Variants in CEP44 observed in about 807,000 individuals in gnomAD.
CEP44 encodes centrosomal protein of 44 kDa.
Under a neutral mutation model 46.7 loss-of-function variants are expected in CEP44, and 45 were observed. The observed-to-expected ratio is 0.96, with a 90% CI of 0.76 to 1.24. The LOEUF is 1.24. CEP44 is among the 50% of genes most tolerant of loss of function. The pLI is 0.00. For missense variants in CEP44, 475 were observed against 459.7 expected, an observed-to-expected ratio of 1.03 and a Z score of -0.30; for synonymous variants, 142 against 146.0, an observed-to-expected ratio of 0.97 and a Z score of 0.20.
chr4:174,314,029 C>G lies in CEP44; in HGVS notation c.962-2137C>G, dbSNP rs1475759941. Among the ~76,000 whole-genome samples the G allele has an allele frequency of 6.6e-6, 1 of 152,034 alleles. No homozygotes were observed. The highest frequency in any genetic ancestry group is 1.5e-5 in the Non-Finnish European group (1 of 68,002). On this transcript the variant is annotated intron_variant, in intron 9 of 11. Transcript: ENST00000503780. The surrounding 1 kb of genome is among the most constrained non-coding windows in gnomAD (Gnocchi z 4.1). Reference sequence around the variant, plus strand: ...TACAAATTATTAAATGGTAAAGGACCCTACTGATTCCCTTCGTGGAATAAG... The same window carrying G: ...TACAAATTATTAAATGGTAAAGGACGCTACTGATTCCCTTCGTGGAATAAG...
Position 174,308,708 on chromosome 4 carries a change from G to A in CEP44, c.527G>A (p.Arg176His), listed in dbSNP as rs147478051. 1.5e-3 allele frequency: 2,479 copies of A among 1,604,926 alleles called. 3 individuals are homozygous for A. Among genetic ancestry groups the A allele is most frequent in the Non-Finnish European group, 2.0e-3 (2,328 of 1,173,822 alleles). ...TSGKKKAVVI[R>H]HLYNEDNVDI... ...ATGCAGAAGAAAGCTGTGGTGATTC[G>A]TCACTTGTATAATGAAGATAATGTT... The change falls in exon 7 of 12, where the codon CGT becomes CAT. Residue 176 changes from arginine to histidine, a missense_variant. Coordinates refer to ENST00000503780, the MANE Select transcript of CEP44 (RefSeq NM_001040157.3).
At position 174,309,710 on chromosome 4, in the gene CEP44, A is replaced by T; in HGVS notation, c.679-140A>T. ...TGGTTTAAGTGGCCAAGTAGTCTCCATCCAGAGATAGCTCTCTTAACTCTC... is the reference window on the plus strand; with the variant it reads ...TGGTTTAAGTGGCCAAGTAGTCTCCTTCCAGAGATAGCTCTCTTAACTCTC... On this transcript the variant is annotated intron_variant, in intron 7 of 11. Coordinates refer to ENST00000503780, the MANE Select transcript of CEP44 (RefSeq NM_001040157.3). This position sits in a 1 kb window ranked among gnomAD's most constrained non-coding sequence, Gnocchi z 5.3. The T allele has an allele frequency of 1.7e-6, 1 of 595,468 alleles. No homozygotes were observed. The highest frequency in any genetic ancestry group is 1.9e-5 in the African/African-American group (1 of 53,868). The allele number at this position is 595,468 out of a possible 1,614,324, so 36.9% of individuals were successfully genotyped here.
chr4:174,286,227 G>A lies in CEP44; in HGVS notation c.-148+2284G>A, dbSNP rs1737569744. On this transcript the variant is annotated intron_variant, in intron 1 of 11. Coordinates refer to ENST00000503780, the MANE Select transcript of CEP44 (RefSeq NM_001040157.3). The surrounding 1 kb of genome is among the most constrained non-coding windows in gnomAD (Gnocchi z 5.2). ...AAATGGCTGTGGAAATGAGTGGCGA[G>A]GGGCTTAAAGTAGGAAGCTTACTAA... Among the ~76,000 whole-genome samples, 1 of 152,150 alleles carries A rather than the reference G, an allele frequency of 6.6e-6. No individual in the cohort carries two copies. Among genetic ancestry groups the A allele is most frequent in the African/African-American group, 2.4e-5 (1 of 41,430 alleles).
Position 174,310,804 on chromosome 4 carries a change from A to C in CEP44, c.907A>C (p.Asn303His). Residue 303 changes from asparagine to histidine, a missense_variant, in exon 9 of 12, where the codon AAT becomes CAT. Asn to His is a moderately conservative substitution (Grantham distance 68). Coordinates refer to ENST00000503780, the MANE Select transcript of CEP44 (RefSeq NM_001040157.3). The surrounding 1 kb of genome is among the most constrained non-coding windows in gnomAD (Gnocchi z 4.2). ...SKKNDEFIEFNEVSEDYASCS... is the reference protein window; with the variant it reads ...SKKNDEFIEFHEVSEDYASCS... The stretch of plus-strand genomic sequence containing the variant: ...CCAGAATGATGAATTTATAGAGTTT[A>C]ATGAAGTTAGTGAAGACTACGCTTC... 1 of 1,498,818 alleles carries C rather than the reference A, an allele frequency of 6.7e-7. No homozygotes were observed. The highest frequency in any genetic ancestry group is 2.3e-5 in the East Asian group (1 of 43,470). The allele number at this position is 1,498,818 out of a possible 1,614,324, so 92.8% of individuals were successfully genotyped here.
intron 6 of CEP44, among the ~76,000 whole-genome samples, chr4:174,305,366 A>T (rs1188758631): frequency 6.6e-6 from 1 of 152,156 alleles, no homozygotes; most frequent in Non-Finnish European, 1.5e-5. Flanking sequence ...AGGCAGGAGA[A>T]TCGCTTGAAC....
At chr4:174,289,819 A>AGGTTGTTT (rs1737976008) in intron 1 of CEP44, among the ~76,000 whole-genome samples, 1 of 150,066 alleles carries the variant, frequency 6.7e-6, no homozygotes, top group Non-Finnish European at 1.5e-5. Context: ...GTGTAAAGTT[A>AGGTTGTTT]GGTTGTTTTA....
intron 2 of CEP44, among the ~76,000 whole-genome samples, chr4:174,298,283 C>T (rs1396664853): frequency 7.0e-6 from 1 of 142,714 alleles, no homozygotes; most frequent in Non-Finnish European, 1.5e-5. Flanking sequence ...TCACGCCATT[C>T]TCCTGCCTCA....
intron 8 of CEP44, among the ~76,000 whole-genome samples, chr4:174,327,590 T>C (rs1261287165): frequency 6.6e-6 from 1 of 152,078 alleles, no homozygotes; most frequent in Non-Finnish European, 1.5e-5. Flanking sequence ...TTTATAGCAA[T>C]TGTTGTAGGG....
chr4:174,310,700 T>C lies in CEP44; in HGVS notation c.886-83T>C, dbSNP rs931131373. ...TTAAACATTTATCATGCTACCTTTA[T>C]ATTTTATGCTCAGCATTAAGAATAT... On this transcript the variant is annotated intron_variant, in intron 8 of 11. Coordinates refer to ENST00000503780, the MANE Select transcript of CEP44 (RefSeq NM_001040157.3). This position sits in a 1 kb window ranked among gnomAD's most constrained non-coding sequence, Gnocchi z 4.2. 4 of 719,774 alleles carry C rather than the reference T, an allele frequency of 5.6e-6. No individual in the cohort carries two copies. The highest frequency in any genetic ancestry group is 9.5e-6 in the Non-Finnish European group (4 of 422,466). 44.6% of individuals were successfully genotyped at this position (719,774 alleles called of 1,614,324 possible).
chr4:174,313,490 A>G (rs1025578758), intron 9 of CEP44, among the ~76,000 whole-genome samples: 17 of 152,120 alleles, frequency 1.1e-4, no homozygotes, highest in African/African-American at 4.1e-4. Flanking sequence ...GAAGAGTAGA[A>G]AGATCAAGTC....
downstream of CEP44, among the ~76,000 whole-genome samples, chr4:174,323,506 C>A (rs1413902234): frequency 3.3e-5 from 5 of 151,934 alleles, no homozygotes. Flanking sequence ...ATGAGTTTTG[C>A]AGTGGAGAAA....
In CEP44 at chr4:174,331,973, AAATGCAT is replaced by A; in HGVS notation, c.*381_*387del. ...TTTAAATATTTTTATCGGCTCTAGAAAATGCATAAGGTTAGTACAAGATCAGTAGAGA... is the reference window on the plus strand; with the variant it reads ...TTTAAATATTTTTATCGGCTCTAGAAAAGGTTAGTACAAGATCAGTAGAGA... On this transcript the variant is annotated 3_prime_UTR_variant, in exon 9 of 9. Transcript: ENST00000426172. The surrounding 1 kb of genome is among the most constrained non-coding windows in gnomAD (Gnocchi z 4.5). 1 of 172,042 alleles carries A rather than the reference AAATGCAT, an allele frequency of 5.8e-6. No individual in the cohort carries two copies. 10.7% of individuals were successfully genotyped at this position (172,042 alleles called of 1,614,324 possible).
intron 8 of CEP44, among the ~76,000 whole-genome samples, chr4:174,328,179 A>G (rs1731094829): frequency 6.6e-6 from 1 of 152,216 alleles, no homozygotes. Flanking sequence ...GGAACTGTAG[A>G]CAATCCAGAA....
intron 10 of CEP44, 104 bp downstream of exon 10, chr4:174,316,394 T>TA: frequency 3.6e-6 from 5 of 1,394,272 alleles, no homozygotes; most frequent in Non-Finnish European, 5.0e-6. Flanking sequence ...ACGCGAATCT[T>TA]AGTCTCTCAA....
chr4:174,317,120 A>G (rs930988552), intron 11 of CEP44, among the ~76,000 whole-genome samples: 3 of 151,992 alleles, frequency 2.0e-5, no homozygotes, highest in Non-Finnish European at 4.4e-5. Context: ...AGAAATGCAA[A>G]AAGTACTTAA....
intron 10 of CEP44, 106 bp downstream of exon 10, chr4:174,316,396 G>C (rs1007839914): frequency 5.1e-5 from 71 of 1,391,164 alleles, no homozygotes; most frequent in Non-Finnish European, 6.7e-5. Flanking sequence ...GCGAATCTTA[G>C]TCTCTCAAAA....
Position 174,318,056 on chromosome 4 carries a change from C to G in CEP44, c.*673C>G, listed in dbSNP as rs1025496498. The G allele has an allele frequency of 2.0e-6, 2 of 985,260 alleles. No homozygotes were observed. Among genetic ancestry groups the G allele is most frequent in the Admixed American group, 1.2e-4 (2 of 16,252 alleles). 61.0% of individuals were successfully genotyped at this position (985,260 alleles called of 1,614,324 possible). Reference sequence around the variant, plus strand: ...AATGTGTTGAACATTTTAGTATGCTCTATTGTATAATTTTTTTGGAGGGGG... The same window carrying G: ...AATGTGTTGAACATTTTAGTATGCTGTATTGTATAATTTTTTTGGAGGGGG... On this transcript the variant is annotated 3_prime_UTR_variant, in exon 12 of 12. Coordinates refer to ENST00000503780, the MANE Select transcript of CEP44 (RefSeq NM_001040157.3).
Position 174,325,670 on chromosome 4 carries a change from G to C in CEP44, c.1087-5812G>C, listed in dbSNP as rs1412850274. 6.6e-6 allele frequency among the ~76,000 whole-genome samples: 1 copy of C among 152,028 alleles called. No individual in the cohort carries two copies. Among genetic ancestry groups the C allele is most frequent in the East Asian group, 1.9e-4 (1 of 5,190 alleles). Reference sequence around the variant, plus strand: ...ACCCTGTCTCTAAAAATAAGAAAAAGAGAGGTGTTGAAGTCTCCAACTAGA... The same window carrying C: ...ACCCTGTCTCTAAAAATAAGAAAAACAGAGGTGTTGAAGTCTCCAACTAGA... On this transcript the variant is annotated intron_variant, in intron 8 of 8. Transcript: ENST00000426172. This position sits in a 1 kb window ranked among gnomAD's most constrained non-coding sequence, Gnocchi z 4.4.
Position 174,309,504 on chromosome 4 carries a change from T to C in CEP44, c.679-346T>C, listed in dbSNP as rs1740831017. Among the ~76,000 whole-genome samples, 2 of 152,078 alleles carry C rather than the reference T, an allele frequency of 1.3e-5. No individual in the cohort carries two copies. Among genetic ancestry groups the C allele is most frequent in the Middle Eastern group, 3.2e-3 (1 of 316 alleles). On this transcript the variant is annotated intron_variant, in intron 7 of 11. Transcript: ENST00000503780. This position sits in a 1 kb window ranked among gnomAD's most constrained non-coding sequence, Gnocchi z 5.3. ...AAGTGTTGTTTTTGGTCATTTCCTC[T>C]TAGCTTTGTGCTAAGCGTTGTTTCA...
Sources: gnomAD v4.1 joint callset for allele counts (sites outside exome capture counted in the v4.1 genomes callset) on GRCh38, gnomAD v4.1.1 for gene constraint, Gnocchi (gnomAD v3.1) non-coding constraint, MANE v1.5 for transcripts, NCBI Gene and HGNC (gene_info 2026-07-23, HGNC 2026-07-21) for gene names.